The following FANCC variants were observed in gnomAD, a reference collection of about 807,000 sequenced individuals.
FANCC encodes the protein FA complementation group C, also known as Fanconi anemia group C protein.
In FANCC, 55 loss-of-function variants were observed where a neutral mutation model predicts 71.3. The observed-to-expected ratio is 0.77, with a 90% CI of 0.62 to 0.97. The LOEUF (loss-of-function observed/expected upper bound fraction) is 0.97. Ranked by LOEUF, FANCC falls within the 50% of genes least tolerant of loss-of-function variation. FANCC has a pLI of 0.00. For missense variants in FANCC, 678 were observed against 670.9 expected, an observed-to-expected ratio of 1.01 and a Z score of -0.12; for synonymous variants, 275 against 244.9, an observed-to-expected ratio of 1.12 and a Z score of -1.15.
At chr9:95,254,212 A>G (rs1831519624) in intron 1 of FANCC, among the ~76,000 whole-genome samples, 1 of 152,248 alleles carries the variant, frequency 6.6e-6, no homozygotes. Context: ...ACCAAAGTAT[A>G]AATCGTATTT....
rs12686588 is a variant in FANCC, at chr9:95,199,023, G to A, written c.346-26876C>T. 3.3e-3 allele frequency among the ~76,000 whole-genome samples: 505 copies of A among 152,208 alleles called. 9 individuals are homozygous for A. In the East Asian group the frequency reaches 0.044, roughly 13 times the overall value. ...ATTACAGGTGTGAGCTACTGTGCCT[G>A]ACCTAGTTTTCTTTATATTGTAGTA... On this transcript the variant is annotated intron_variant, in intron 4 of 14. Coordinates refer to ENST00000289081, the MANE Select transcript of FANCC (RefSeq NM_000136.3).
chr9:95,292,983 C>G (rs1294438076), intron 1 of FANCC: 25 of 1,579,154 alleles, frequency 1.6e-5, no homozygotes, highest in Non-Finnish European at 1.9e-5. Context: ...CCACGAGATC[C>G]CTGCAGAACA....
chr9:95,304,846 A>G (rs1316369584), intron 1 of FANCC, among the ~76,000 whole-genome samples: 2 of 152,028 alleles, frequency 1.3e-5, no homozygotes, highest in Non-Finnish European at 2.9e-5. Context: ...ATGCTGATGG[A>G]AATAGCCAAA....
At chr9:95,292,644 C>A (rs1040266669) in intron 1 of FANCC, 2 of 1,402,392 alleles carry the variant, frequency 1.4e-6, no homozygotes, top group Admixed American at 1.7e-5. Context: ...GCTCAACATG[C>A]ACCTGGTCAA....
At chr9:95,264,897 A>G (rs1832295569) in intron 1 of FANCC, among the ~76,000 whole-genome samples, 1 of 152,174 alleles carries the variant, frequency 6.6e-6, no homozygotes, top group East Asian at 1.9e-4. Flanking sequence ...AAAGCCTGAT[A>G]ACTATTTTTA....
chr9:95,121,923 T>C (rs1407313171), intron 10 of FANCC, among the ~76,000 whole-genome samples: 2 of 150,578 alleles, frequency 1.3e-5, no homozygotes, highest in Non-Finnish European at 2.9e-5. Flanking sequence ...AGTGGCGCAA[T>C]CTCAGCTCAC....
chr9:95,195,196 C>CAAAAAA (rs34771312), intron 4 of FANCC, among the ~76,000 whole-genome samples: 3 of 42,614 alleles, frequency 7.0e-5, no homozygotes, highest in Admixed American at 4.7e-4. Flanking sequence ...GACTCCGTCT[C>CAAAAAA]AAAAAAAAAA....
intron 10 of FANCC, among the ~76,000 whole-genome samples, chr9:95,122,562 C>T (rs2072968042): frequency 6.6e-6 from 1 of 152,198 alleles, no homozygotes; most frequent in Middle Eastern, 3.2e-3. Context: ...TGCCTCACAC[C>T]AGGACCCAGT....
At chr9:95,271,927 C>CCTT (rs1832750393) in intron 1 of FANCC, among the ~76,000 whole-genome samples, 2 of 50,480 alleles carry the variant, frequency 4.0e-5, no homozygotes, top group Non-Finnish European at 3.6e-5. Context: ...CAAGCCTCTT[C>CCTT]TTTTTTTTTT....
chr9:95,184,988 A>G (rs1187632568), intron 4 of FANCC, among the ~76,000 whole-genome samples: 1 of 152,224 alleles, frequency 6.6e-6, no homozygotes, highest in East Asian at 1.9e-4. Flanking sequence ...GGAACAAAAT[A>G]TTCTTGTAAC....
At chr9:95,146,136 T>G (rs1829512985) in intron 7 of FANCC, among the ~76,000 whole-genome samples, 2 of 152,128 alleles carry the variant, frequency 1.3e-5, no homozygotes, top group South Asian at 4.2e-4. Flanking sequence ...ATGCATTGTA[T>G]AGCAAGGAAG....
chr9:95,200,815 G>A (rs1267767581), intron 4 of FANCC, among the ~76,000 whole-genome samples: 1 of 152,108 alleles, frequency 6.6e-6, no homozygotes, highest in East Asian at 1.9e-4. Context: ...ATAAATAACA[G>A]ACCATGTTTT....
At chr9:95,245,740 T>C (rs903451392) in intron 3 of FANCC, among the ~76,000 whole-genome samples, 1 of 151,470 alleles carries the variant, frequency 6.6e-6, no homozygotes, top group Non-Finnish European at 1.5e-5. Flanking sequence ...CTATTAAAAA[T>C]GCAAAAATCA....
rs1196785863 is a variant in FANCC, at chr9:95,122,258, C to A, written c.996+2828G>T. On this transcript the variant is annotated intron_variant, in intron 10 of 14. Coordinates refer to ENST00000289081, the MANE Select transcript of FANCC (RefSeq NM_000136.3). ...ATTAGATATCAGGTTTACAGATACT[C>A]ATTTTATTAAGAAGGAATTAATGAA... Among the ~76,000 whole-genome samples, 7 of 152,052 alleles carry A rather than the reference C, an allele frequency of 4.6e-5. 1 individual carries two copies. The East Asian group carries it at 1.2e-3, about 25-fold the overall frequency.
chr9:95,297,916 TA>T (rs1452411378), intron 1 of FANCC, among the ~76,000 whole-genome samples: 1 of 152,150 alleles, frequency 6.6e-6, no homozygotes, highest in Non-Finnish European at 1.5e-5. Flanking sequence ...CTCAAGCAAG[TA>T]GTAGATGGAT....
chr9:95,139,821 A>AATATATATATATTTATATAT (rs1470800003), intron 7 of FANCC, among the ~76,000 whole-genome samples: 1 of 145,876 alleles, frequency 6.9e-6, no homozygotes, highest in Non-Finnish European at 1.5e-5. Flanking sequence ...TGACAAAATG[A>AATATATATATATTTATATAT]ATATATATAT....
intron 1 of FANCC, among the ~76,000 whole-genome samples, chr9:95,253,542 G>T (rs929254774): frequency 6.6e-6 from 1 of 152,200 alleles, no homozygotes; most frequent in Non-Finnish European, 1.5e-5. Context: ...TACAGGTAAA[G>T]TGCATTTTTC....
At chr9:95,159,968 T>G (rs1190303881) in intron 6 of FANCC, among the ~76,000 whole-genome samples, 1 of 152,180 alleles carries the variant, frequency 6.6e-6, no homozygotes, top group Non-Finnish European at 1.5e-5. Context: ...TTTCTCCCAT[T>G]CTGTAGGTTG....
At chr9:95,309,367 C>A (rs1333439705) in intron 1 of FANCC, among the ~76,000 whole-genome samples, 1 of 152,168 alleles carries the variant, frequency 6.6e-6, no homozygotes, top group Non-Finnish European at 1.5e-5. Flanking sequence ...ATTGGAAATT[C>A]CTAGCTAACG....
Sources: allele counts gnomAD v4.1 joint callset (sites outside exome capture counted in the v4.1 genomes callset), GRCh38; gene constraint gnomAD v4.1.1; transcripts MANE v1.5; gene names NCBI Gene and HGNC (gene_info 2026-07-23, HGNC 2026-07-21).